GUCY1A2: variants seen among roughly 807,000 people sequenced by gnomAD.
The protein encoded by GUCY1A2 is guanylate cyclase soluble subunit alpha-2.
In GUCY1A2, 27 loss-of-function variants were observed where a neutral mutation model predicts 63.5. The ratio of observed to expected loss-of-function variants is 0.43; its 90% CI spans 0.31 to 0.59. The LOEUF (loss-of-function observed/expected upper bound fraction) is 0.59, where lower values mean the gene tolerates loss of function less well. Among genes scored for constraint, GUCY1A2 ranks in the 20% least tolerant of loss-of-function variants. The pLI, the probability that GUCY1A2 is intolerant of heterozygous loss-of-function variation, is 0.11. For missense variants in GUCY1A2, 768 were observed against 913.3 expected (o/e 0.84, Z 2.05); for synonymous variants, 364 against 343.5 (o/e 1.06, Z -0.66).
intron 7 of GUCY1A2, among the ~76,000 whole-genome samples, chr11:106,692,133 T>C (rs906048092): frequency 3.3e-5 from 5 of 152,136 alleles, no homozygotes; most frequent in African/African-American, 1.2e-4. Context: ...CTGGGTTGGC[T>C]CTAAAGCTCT....
At chr11:106,760,005 TG>T (rs1301024368) in intron 6 of GUCY1A2, among the ~76,000 whole-genome samples, 1 of 151,908 alleles carries the variant, frequency 6.6e-6, no homozygotes, top group African/African-American at 2.4e-5. Flanking sequence ...ATGTAAAGAT[TG>T]GATTTTATGC....
chr11:106,931,977 G>C (rs1408354077), intron 4 of GUCY1A2, among the ~76,000 whole-genome samples: 1 of 151,862 alleles, frequency 6.6e-6, no homozygotes, highest in Admixed American at 6.6e-5. Context: ...GAACAAACAG[G>C]AAACTATCAA....
chr11:106,949,182 C>T (rs764779964), intron 3 of GUCY1A2, among the ~76,000 whole-genome samples: 2 of 151,764 alleles, frequency 1.3e-5, no homozygotes, highest in Non-Finnish European at 2.9e-5. Context: ...TTTTAGGCCA[C>T]CATGATCAGT....
At chr11:106,720,161 AAGAC>A (rs1863290136) in intron 6 of GUCY1A2, among the ~76,000 whole-genome samples, 1 of 152,270 alleles carries the variant, frequency 6.6e-6, no homozygotes, top group Non-Finnish European at 1.5e-5. Context: ...CAGTTAGTGT[AAGAC>A]AGAAGTTTCC....
chr11:106,912,167 T>TA (rs1446888378), intron 4 of GUCY1A2, among the ~76,000 whole-genome samples: 1 of 152,030 alleles, frequency 6.6e-6, no homozygotes, highest in African/African-American at 2.4e-5. Context: ...CACTGGTTCT[T>TA]ACTAATTCAT....
At chr11:106,760,337 G>A (rs1036869867) in intron 6 of GUCY1A2, among the ~76,000 whole-genome samples, 3 of 149,610 alleles carry the variant, frequency 2.0e-5, no homozygotes, top group Admixed American at 6.6e-5. Flanking sequence ...ACTATGAAAA[G>A]ACATTTGGAG....
intron 4 of GUCY1A2, among the ~76,000 whole-genome samples, chr11:106,931,025 G>T (rs932561857): frequency 6.6e-6 from 1 of 152,198 alleles, no homozygotes; most frequent in Non-Finnish European, 1.5e-5. Context: ...ACATTTCTAT[G>T]AATGAAACTT....
chr11:107,006,299 T>G (rs546248032), intron 1 of GUCY1A2, among the ~76,000 whole-genome samples: 1 of 152,364 alleles, frequency 6.6e-6, no homozygotes, highest in South Asian at 2.1e-4. Flanking sequence ...GTTCACATTT[T>G]ATTACATATT....
intron 6 of GUCY1A2, among the ~76,000 whole-genome samples, chr11:106,732,158 G>A (rs1863516417): frequency 1.3e-5 from 2 of 152,028 alleles, no homozygotes; most frequent in African/African-American, 4.8e-5. Flanking sequence ...AAAACAGCAT[G>A]GTACTGGTAC....
chr11:106,695,308 A>T (rs1173160148), intron 7 of GUCY1A2, among the ~76,000 whole-genome samples: 1 of 152,138 alleles, frequency 6.6e-6, no homozygotes, highest in Non-Finnish European at 1.5e-5. Flanking sequence ...AAGATTAATT[A>T]TTAACTTCCG....
chr11:106,884,798 T>C (rs1411224531), intron 4 of GUCY1A2, among the ~76,000 whole-genome samples: 1 of 152,136 alleles, frequency 6.6e-6, no homozygotes, highest in Non-Finnish European at 1.5e-5. Context: ...AGACACTTCA[T>C]ATCAGAGTAC....
intron 6 of GUCY1A2, among the ~76,000 whole-genome samples, chr11:106,749,902 T>C (rs1863854309): frequency 6.6e-6 from 1 of 151,996 alleles, no homozygotes. Flanking sequence ...GTAAATATGA[T>C]TGTATTAGGG....
chr11:106,988,291 G>C (rs1861427174), intron 1 of GUCY1A2, among the ~76,000 whole-genome samples: 1 of 152,150 alleles, frequency 6.6e-6, no homozygotes, highest in Non-Finnish European at 1.5e-5. Context: ...TCTTGCACTG[G>C]CTTGGCAGTT....
At chr11:106,943,363 A>C (rs1860776602) in intron 3 of GUCY1A2, among the ~76,000 whole-genome samples, 1 of 152,226 alleles carries the variant, frequency 6.6e-6, no homozygotes, top group Admixed American at 6.5e-5. Context: ...GTCTATAAGA[A>C]TACATTTCCT....
rs1565264786 is a variant in GUCY1A2 at position 106,709,500 on chromosome 11, TA to T, written c.1837-835del. Among the ~76,000 whole-genome samples, 7 of 51,950 alleles carry T rather than the reference TA, an allele frequency of 1.3e-4. 1 individual carries two copies. The highest frequency in any genetic ancestry group is 7.4e-4 in the African/African-American group (5 of 6,802). 34.1% of individuals were successfully genotyped at this position (51,950 alleles called of 152,430 possible). On this transcript the variant is annotated intron_variant, in intron 6 of 7. Coordinates refer to ENST00000526355, the MANE Select transcript of GUCY1A2 (RefSeq NM_000855.3). ...TTATTATATATTTATATATATATAATAATATATATTATTCTATAAATATAAT... is the reference window on the plus strand; with the variant it reads ...TTATTATATATTTATATATATATAATATATATATTATTCTATAAATATAAT...
At chr11:107,000,552 C>G (rs1334061909) in intron 1 of GUCY1A2, among the ~76,000 whole-genome samples, 7 of 152,186 alleles carry the variant, frequency 4.6e-5, no homozygotes, top group Non-Finnish European at 8.8e-5. Context: ...ATTATACCTA[C>G]TCCAGATTTC....
intron 6 of GUCY1A2, among the ~76,000 whole-genome samples, chr11:106,771,427 T>G (rs1864252217): frequency 6.6e-6 from 1 of 152,184 alleles, no homozygotes. Flanking sequence ...AATATAATTT[T>G]ACTTTTCAAT....
At chr11:106,993,694 T>C (rs568195857) in intron 1 of GUCY1A2, among the ~76,000 whole-genome samples, 1 of 152,134 alleles carries the variant, frequency 6.6e-6, no homozygotes, top group Non-Finnish European at 1.5e-5. Flanking sequence ...AATTTTCCCA[T>C]CCGAAAAACA....
At chr11:106,967,409 G>A (rs2120082977) in intron 3 of GUCY1A2, among the ~76,000 whole-genome samples, 1 of 152,040 alleles carries the variant, frequency 6.6e-6, no homozygotes, top group Non-Finnish European at 1.5e-5. Flanking sequence ...AAAAAATCTA[G>A]CAGTAACCAG....
Sources: gnomAD v4.1 joint callset for allele counts (sites outside exome capture counted in the v4.1 genomes callset) on GRCh38, gnomAD v4.1.1 for gene constraint, MANE v1.5 for transcripts, NCBI Gene and HGNC (gene_info 2026-07-23, HGNC 2026-07-21) for gene names.